Variants in LMX1A observed in about 807,000 individuals in gnomAD.
LMX1A encodes LIM homeobox transcription factor 1-alpha.
In LMX1A, 15 loss-of-function variants were observed where a neutral mutation model predicts 49.1. The observed-to-expected ratio is 0.31, with a 90% CI of 0.20 to 0.47. The LOEUF (loss-of-function observed/expected upper bound fraction) is 0.47, where lower values mean the gene tolerates loss of function less well. LMX1A is among the 20% of genes least tolerant of loss of function. The pLI, the probability that LMX1A is intolerant of heterozygous loss-of-function variation, is 1.00. For missense variants in LMX1A, 372 were observed against 475.8 expected (o/e 0.78, Z 2.03); for synonymous variants, 167 against 185.7 (o/e 0.90, Z 0.82).
intron 3 of LMX1A, among the ~76,000 whole-genome samples, chr1:165,328,394 T>G (rs1275279088): frequency 6.6e-6 from 1 of 152,360 alleles, no homozygotes; most frequent in South Asian, 2.1e-4. Context: ...AGGATACAAG[T>G]GAGCCCGATA....
At chr1:165,268,666 G>A (rs927558263) in intron 3 of LMX1A, among the ~76,000 whole-genome samples, 1 of 152,238 alleles carries the variant, frequency 6.6e-6, no homozygotes, top group African/African-American at 2.4e-5. Context: ...CCACTTATTA[G>A]CTGTGTGACC....
intron 4 of LMX1A, among the ~76,000 whole-genome samples, chr1:165,232,207 G>A (rs543571687): frequency 1.5e-4 from 23 of 151,348 alleles, no homozygotes; most frequent in Admixed American, 1.1e-3. Flanking sequence ...GAGAAGCTTA[G>A]GGGAACCTTG....
At chr1:165,208,857 C>G (rs950472620) in intron 6 of LMX1A, among the ~76,000 whole-genome samples, 3 of 152,280 alleles carry the variant, frequency 2.0e-5, no homozygotes, top group Middle Eastern at 3.4e-3. Flanking sequence ...CCATGTTAGC[C>G]AGGATGGTCT....
intron 4 of LMX1A, among the ~76,000 whole-genome samples, chr1:165,225,778 G>A (rs1402322799): frequency 6.6e-6 from 1 of 152,162 alleles, no homozygotes; most frequent in Non-Finnish European, 1.5e-5. Flanking sequence ...TGCTGCTGCT[G>A]GTCCAGGAAC....
chr1:165,306,717 C>T (rs1041157714), intron 3 of LMX1A, among the ~76,000 whole-genome samples: 3 of 152,194 alleles, frequency 2.0e-5, no homozygotes, highest in Non-Finnish European at 4.4e-5. Flanking sequence ...TCTGAATATC[C>T]CCAACAGCCT....
intron 3 of LMX1A, 152 bp downstream of exon 3, chr1:165,352,924 G>C (rs1021546203): frequency 2.5e-6 from 2 of 803,124 alleles, no homozygotes; most frequent in African/African-American, 3.4e-5. Flanking sequence ...TTCCCGTGAG[G>C]GGCAATGTAC....
chr1:165,328,997 C>T (rs1017339906), intron 3 of LMX1A, among the ~76,000 whole-genome samples: 2 of 152,146 alleles, frequency 1.3e-5, no homozygotes, highest in Admixed American at 1.3e-4. Flanking sequence ...TCTTTGTATT[C>T]GTTCATTTTC....
chr1:165,326,877 T>C (rs935415850), intron 3 of LMX1A, among the ~76,000 whole-genome samples: 5 of 152,308 alleles, frequency 3.3e-5, no homozygotes, highest in Non-Finnish European at 7.4e-5. Context: ...ACAATTGGCA[T>C]CAAGTGGGTA....
intron 3 of LMX1A, among the ~76,000 whole-genome samples, chr1:165,334,228 C>A (rs559056531): frequency 1.1e-4 from 16 of 152,132 alleles, no homozygotes; most frequent in Middle Eastern, 3.4e-3. Flanking sequence ...GAATAGATTG[C>A]GGGATAGATC....
intron 3 of LMX1A, among the ~76,000 whole-genome samples, chr1:165,336,115 T>C (rs1330358036): frequency 2.0e-5 from 3 of 151,984 alleles, no homozygotes; most frequent in Non-Finnish European, 4.4e-5. Flanking sequence ...AAAGAGATAG[T>C]GCCTGCCTTT....
intron 6 of LMX1A, among the ~76,000 whole-genome samples, chr1:165,208,796 G>A (rs954604746): frequency 1.1e-4 from 17 of 152,072 alleles, no homozygotes; most frequent in Non-Finnish European, 2.5e-4. Context: ...ACAGGCGCCC[G>A]CCACTACGCC....
chr1:165,307,479 CT>C (rs1654951322), intron 3 of LMX1A, among the ~76,000 whole-genome samples: 1 of 152,196 alleles, frequency 6.6e-6, no homozygotes, highest in Non-Finnish European at 1.5e-5. Flanking sequence ...TGGGATAGTT[CT>C]TAGTTACAAA....
intron 4 of LMX1A, 130 bp downstream of exon 4, chr1:165,249,278 A>G: frequency 4.7e-6 from 3 of 635,590 alleles, no homozygotes. Context: ...TTCCTGAAAT[A>G]CACAGAACTG....
chr1:165,231,711 G>A (rs11806003), intron 4 of LMX1A, among the ~76,000 whole-genome samples: 18,545 of 152,120 alleles, frequency 0.12, 1,234 homozygotes, highest in Non-Finnish European at 0.15. Flanking sequence ...AATTATAGTT[G>A]TTGTTATTTT....
chr1:165,287,403 G>T (rs11804125), intron 3 of LMX1A, among the ~76,000 whole-genome samples: 20,682 of 152,242 alleles, frequency 0.14, 1,832 homozygotes, highest in Non-Finnish European at 0.2. Flanking sequence ...CTAAAAGAAA[G>T]AAGCCCAGAT....
At chr1:165,247,418 G>A (rs6678441) in intron 4 of LMX1A, among the ~76,000 whole-genome samples, 37,614 of 151,912 alleles carry the variant, frequency 0.25, 5,330 homozygotes, top group East Asian at 0.56. Context: ...GGGTAAATTG[G>A]CCTTTCTATA....
intron 3 of LMX1A, among the ~76,000 whole-genome samples, chr1:165,265,203 C>CA (rs528674072): frequency 0.32 from 38,609 of 121,142 alleles, 5,586 homozygotes; most frequent in African/African-American, 0.37. Flanking sequence ...GACTCTGTCT[C>CA]AAAAAAAAAA....
At chr1:165,235,322 G>A (rs1652389201) in intron 4 of LMX1A, among the ~76,000 whole-genome samples, 1 of 150,784 alleles carries the variant, frequency 6.6e-6, no homozygotes, top group African/African-American at 2.5e-5. Context: ...GGAGGCATGA[G>A]CGAAAGAGGG....
Position 165,355,800 on chromosome 1 carries a change from T to C in LMX1A, c.-22-219A>G, listed in dbSNP as rs1243778165. 2 of 531,236 alleles carry C rather than the reference T, an allele frequency of 3.8e-6. No individual in the cohort carries two copies. The highest frequency in any genetic ancestry group is 2.6e-5 in the South Asian group (1 of 38,102). 32.9% of individuals were successfully genotyped at this position (531,236 alleles called of 1,614,324 possible). Reference sequence around the variant, plus strand: ...TTTCACTTGAAGTCAACACGTTATGTACTTAGGCCTCCGCCCCCCAACTGC... The same window carrying C: ...TTTCACTTGAAGTCAACACGTTATGCACTTAGGCCTCCGCCCCCCAACTGC... On this transcript the variant is annotated intron_variant, in intron 1 of 8. Transcript: ENST00000342310. The surrounding 1 kb of genome is among the most constrained non-coding windows in gnomAD (Gnocchi z 4.7).
Sources: gnomAD v4.1 joint callset for allele counts (sites outside exome capture counted in the v4.1 genomes callset) on GRCh38, gnomAD v4.1.1 for gene constraint, Gnocchi (gnomAD v3.1) non-coding constraint, MANE v1.5 for transcripts, NCBI Gene and HGNC (gene_info 2026-07-23, HGNC 2026-07-21) for gene names.